The following SAMMSON variants were observed in gnomAD, a reference collection of about 807,000 sequenced individuals.
SAMMSON encodes the protein survival associated mitochondrial melanoma specific oncogenic non-coding RNA.
intron 3 of SAMMSON, among the ~76,000 whole-genome samples, chr3:70,055,000 T>G (rs1044845681): frequency 2.6e-5 from 4 of 152,156 alleles, no homozygotes; most frequent in Non-Finnish European, 5.9e-5. Flanking sequence ...TGCTATTTGA[T>G]GATGTCAAGG....
chr3:70,261,517 C>A (rs909822461), intron 6 of SAMMSON, among the ~76,000 whole-genome samples: 1 of 152,134 alleles, frequency 6.6e-6, no homozygotes, highest in Non-Finnish European at 1.5e-5. Flanking sequence ...AATTACATTT[C>A]AATTTCCGTG....
chr3:70,245,130 T>C (rs1416413127), intron 4 of SAMMSON, among the ~76,000 whole-genome samples: 2 of 152,166 alleles, frequency 1.3e-5, no homozygotes, highest in Admixed American at 1.3e-4. Context: ...TTAATAGCTA[T>C]TTTAAATCAT....
intron 9 of SAMMSON, among the ~76,000 whole-genome samples, chr3:70,389,346 G>C (rs1326749598): frequency 2.0e-5 from 3 of 152,112 alleles, no homozygotes; most frequent in Non-Finnish European, 4.4e-5. Context: ...TGGGGAGGGA[G>C]AGTTGCCAAA....
At chr3:70,044,092 G>A (rs1466800608) in intron 3 of SAMMSON, among the ~76,000 whole-genome samples, 2 of 152,156 alleles carry the variant, frequency 1.3e-5, no homozygotes, top group Middle Eastern at 3.4e-3. Flanking sequence ...GAAACACCAA[G>A]GTGCCTGTGG....
At chr3:70,397,633 T>C (rs186100284) in intron 2 of SAMMSON, among the ~76,000 whole-genome samples, 11 of 152,284 alleles carry the variant, frequency 7.2e-5, no homozygotes, top group Non-Finnish European at 1.6e-4. Flanking sequence ...AGTGTGTGTG[T>C]GTATGTGTGT....
chr3:70,134,359 C>T (rs1309742785), intron 4 of SAMMSON, among the ~76,000 whole-genome samples: 5 of 140,088 alleles, frequency 3.6e-5, no homozygotes, highest in Non-Finnish European at 7.8e-5. Context: ...ATTTTTTTAA[C>T]TTTTTTTTTT....
intron 9 of SAMMSON, among the ~76,000 whole-genome samples, chr3:70,364,053 C>A (rs1702899821): frequency 6.6e-6 from 1 of 151,824 alleles, no homozygotes; most frequent in African/African-American, 2.4e-5. Flanking sequence ...TGCCCCCTTT[C>A]CTCCTAATAC....
At chr3:70,269,423 G>A (rs1701954160) in intron 6 of SAMMSON, among the ~76,000 whole-genome samples, 1 of 152,142 alleles carries the variant, frequency 6.6e-6, no homozygotes, top group African/African-American at 2.4e-5. Flanking sequence ...GCCAATCAAA[G>A]GCAGTCAACT....
chr3:70,263,007 G>T (rs928281848), intron 6 of SAMMSON, among the ~76,000 whole-genome samples: 1 of 151,872 alleles, frequency 6.6e-6, no homozygotes, highest in Admixed American at 6.6e-5. Flanking sequence ...TTAATTTTAG[G>T]TATTGCATTT....
At chr3:70,091,834 G>A (rs1372413420) in intron 4 of SAMMSON, among the ~76,000 whole-genome samples, 5 of 152,142 alleles carry the variant, frequency 3.3e-5, no homozygotes, top group African/African-American at 9.7e-5. Flanking sequence ...GATCTCTAAT[G>A]ATAGTGGACA....
intron 7 of SAMMSON, among the ~76,000 whole-genome samples, chr3:70,344,069 A>G (rs1335253970): frequency 1.3e-5 from 2 of 152,072 alleles, no homozygotes; most frequent in African/African-American, 2.4e-5. Context: ...CACTAATGAT[A>G]TGGACAGGAG....
chr3:70,252,671 C>T (rs1475217439), intron 6 of SAMMSON, among the ~76,000 whole-genome samples: 1 of 152,132 alleles, frequency 6.6e-6, no homozygotes, highest in Non-Finnish European at 1.5e-5. Flanking sequence ...ATCATTCAGG[C>T]ACTGTATTGC....
intron 3 of SAMMSON, among the ~76,000 whole-genome samples, chr3:70,038,844 A>T (rs2067095952): frequency 6.6e-6 from 1 of 152,148 alleles, no homozygotes; most frequent in African/African-American, 2.4e-5. Flanking sequence ...AATTCATAAT[A>T]GGAGATCATC....
chr3:70,321,680 A>G (rs1398366850), intron 7 of SAMMSON, among the ~76,000 whole-genome samples: 2 of 152,124 alleles, frequency 1.3e-5, no homozygotes, highest in African/African-American at 4.8e-5. Flanking sequence ...TCATTACCCT[A>G]TAAAATTAAT....
intron 4 of SAMMSON, among the ~76,000 whole-genome samples, chr3:70,189,877 C>T (rs1346306769): frequency 6.6e-6 from 1 of 152,174 alleles, no homozygotes; most frequent in African/African-American, 2.4e-5. Flanking sequence ...TGATCACTTG[C>T]TGCAGCTCCA....
intron 3 of SAMMSON, chr3:70,025,035 C>T (rs929976881): frequency 6.6e-6 from 1 of 152,050 alleles, no homozygotes; most frequent in Admixed American, 6.6e-5. Flanking sequence ...CTGTAGATAA[C>T]ACCATGGGCT....
intron 6 of SAMMSON, among the ~76,000 whole-genome samples, chr3:70,253,096 GAA>G (rs913789110): frequency 4.6e-5 from 7 of 151,762 alleles, no homozygotes. Context: ...AAAAAAAATC[GAA>G]GAGAAACTAA....
At chr3:70,122,438 GGCTCCAGCAATCCA>G (rs2067439069) in intron 4 of SAMMSON, among the ~76,000 whole-genome samples, 1 of 152,046 alleles carries the variant, frequency 6.6e-6, no homozygotes, top group South Asian at 2.1e-4. Flanking sequence ...CAAACTCCTG[GGCTCCAGCAATCCA>G]CCTGCTCGCC....
chr3:70,337,076 TTAA>T (rs1413018257), intron 7 of SAMMSON, among the ~76,000 whole-genome samples: 4 of 70,686 alleles, frequency 5.7e-5, no homozygotes, highest in Admixed American at 1.5e-4. Flanking sequence ...AATATCTAAC[TTAA>T]TATTCTTATT....
Sources: gnomAD v4.1 joint callset for allele counts (sites outside exome capture counted in the v4.1 genomes callset) on GRCh38, gnomAD v4.1.1 for gene constraint, MANE v1.5 for transcripts, NCBI Gene and HGNC (gene_info 2026-07-23, HGNC 2026-07-21) for gene names.